RORA: variants seen among roughly 807,000 people sequenced by gnomAD.
RORA encodes the protein nuclear receptor ROR-alpha.
Under a neutral mutation model 69.5 loss-of-function variants are expected in RORA, and 7 were observed. That is an observed-to-expected ratio of 0.10 (90% CI 0.06 to 0.19). The LOEUF (loss-of-function observed/expected upper bound fraction) is 0.19. RORA is among the 10% of genes least tolerant of loss of function. The pLI is 1.00. For synonymous variants in RORA, 261 were observed against 240.8 expected, an observed-to-expected ratio of 1.08 and a Z score of -0.78; for missense variants, 457 against 663.0, an observed-to-expected ratio of 0.69 and a Z score of 3.41.
At chr15:60,891,390 G>A (rs910085092) in intron 1 of RORA, among the ~76,000 whole-genome samples, 4 of 152,166 alleles carry the variant, frequency 2.6e-5, no homozygotes, top group Admixed American at 6.5e-5. Flanking sequence ...AAAACTGATG[G>A]GCAGCTGCTC....
chr15:61,217,946 G>C (rs1437622162), intron 1 of RORA, among the ~76,000 whole-genome samples: 1 of 152,028 alleles, frequency 6.6e-6, no homozygotes, highest in Non-Finnish European at 1.5e-5. Flanking sequence ...AACACCTGGA[G>C]CTTAACATCA....
chr15:60,831,684 G>A (rs2073044160), intron 1 of RORA, among the ~76,000 whole-genome samples: 1 of 152,136 alleles, frequency 6.6e-6, no homozygotes, highest in Non-Finnish European at 1.5e-5. Context: ...TCTTTCTCAA[G>A]TGCTTTTTCA....
chr15:61,063,928 C>T (rs2078221335), intron 1 of RORA, among the ~76,000 whole-genome samples: 1 of 152,176 alleles, frequency 6.6e-6, no homozygotes, highest in African/African-American at 2.4e-5. Flanking sequence ...TGTCCTGGTG[C>T]TGAACTGCCT....
At chr15:61,006,401 G>C (rs948699843) in intron 1 of RORA, among the ~76,000 whole-genome samples, 4 of 152,016 alleles carry the variant, frequency 2.6e-5, no homozygotes, top group Admixed American at 2.0e-4. Context: ...ATTATCTTCT[G>C]ACTCGTTGGA....
intron 1 of RORA, among the ~76,000 whole-genome samples, chr15:61,140,483 T>G (rs1433152558): frequency 6.6e-6 from 1 of 152,202 alleles, no homozygotes; most frequent in Admixed American, 6.5e-5. Context: ...TCTTCCTCAC[T>G]TTTTAATTGT....
intron 1 of RORA, among the ~76,000 whole-genome samples, chr15:60,971,398 A>T (rs1009137149): frequency 2.6e-5 from 4 of 151,668 alleles, no homozygotes; most frequent in African/African-American, 9.7e-5. Context: ...GCAGGTGCAC[A>T]CTCCCCACTC....
chr15:60,497,644 C>T (rs202160218), intron 10 of RORA, 25 bp from the exon 11 acceptor site: 31 of 1,590,990 alleles, frequency 1.9e-5, no homozygotes, highest in East Asian at 1.3e-4. Context: ...AAGGACACAC[C>T]GTCAGGCAAG....
At position 60,497,601 on chromosome 15, in the gene RORA, T is replaced by C. The variant is rs190933482; in HGVS notation, c.1426A>G (p.Thr476Ala). 765 of 1,611,168 alleles carry C rather than the reference T, an allele frequency of 4.7e-4. 2 individuals are homozygous for C. Among genetic ancestry groups the C allele is most frequent in the Non-Finnish European group, 8.6e-5 (101 of 1,177,256 alleles). The stretch of plus-strand genomic sequence containing the variant: ...TGTCGTCCACATAAGGCTCTTAAGG[T>C]AGACACCTTGCATATTAACTGTAAG... ...ILTKLICKVS[T>A]LRALCGRHTE... is the part of the protein sequence containing the mutation. Residue 476 changes from threonine (T) to alanine (A), a missense_variant, in exon 11 of 11, where the codon ACC becomes GCC. Around this residue, in one of 3 missense-constraint regions of RORA, gnomAD observed 304 missense variants for 447.4 expected, o/e 0.68. Coordinates refer to ENST00000335670, the MANE Select transcript of RORA (RefSeq NM_134261.3).
At chr15:60,755,479 T>A (rs893431297) in intron 1 of RORA, among the ~76,000 whole-genome samples, 14 of 152,144 alleles carry the variant, frequency 9.2e-5, no homozygotes, top group Non-Finnish European at 1.5e-5. Flanking sequence ...GCATGATTTA[T>A]AATCCTTTGG....
chr15:60,731,689 G>A (rs1268649701), intron 1 of RORA, among the ~76,000 whole-genome samples: 1 of 152,208 alleles, frequency 6.6e-6, no homozygotes, highest in Non-Finnish European at 1.5e-5. Context: ...CTTGTTTACA[G>A]CAGACATCAC....
At chr15:61,023,588 G>T (rs1895653045) in intron 1 of RORA, among the ~76,000 whole-genome samples, 1 of 152,180 alleles carries the variant, frequency 6.6e-6, no homozygotes, top group African/African-American at 2.4e-5. Flanking sequence ...CTCAGCTTTT[G>T]CAGGGTTATG....
chr15:60,533,399 AAT>A (rs2066585368), intron 2 of RORA, among the ~76,000 whole-genome samples: 2 of 152,200 alleles, frequency 1.3e-5, no homozygotes, highest in African/African-American at 2.4e-5. Flanking sequence ...TAAGCAAGTT[AAT>A]ATGTTTAAGG....
chr15:60,996,071 G>A (rs199955827), intron 1 of RORA, among the ~76,000 whole-genome samples: 1 of 135,230 alleles, frequency 7.4e-6, no homozygotes, highest in Non-Finnish European at 1.7e-5. Context: ...CTTGTTTTTT[G>A]TTTTTTTTTT....
chr15:60,796,240 C>T (rs1250448141), intron 1 of RORA, among the ~76,000 whole-genome samples: 2 of 152,112 alleles, frequency 1.3e-5, no homozygotes, highest in African/African-American at 4.8e-5. Context: ...AGAATGTATG[C>T]TGGAACAGGC....
At chr15:60,549,079 A>G (rs1204874188) in intron 2 of RORA, among the ~76,000 whole-genome samples, 1 of 152,242 alleles carries the variant, frequency 6.6e-6, no homozygotes, top group Non-Finnish European at 1.5e-5. Context: ...GATATGTAGC[A>G]GCTCTTATGT....
intron 1 of RORA, among the ~76,000 whole-genome samples, chr15:60,923,701 G>A (rs568261117): frequency 1.2e-4 from 18 of 152,252 alleles, no homozygotes; most frequent in African/African-American, 4.3e-4. Context: ...CTTTCCGAAC[G>A]CTCCACAGCA....
At chr15:61,134,107 G>A (rs1248598438) in intron 1 of RORA, among the ~76,000 whole-genome samples, 1 of 152,132 alleles carries the variant, frequency 6.6e-6, no homozygotes, top group Non-Finnish European at 1.5e-5. Flanking sequence ...CCTCAGAACT[G>A]TTATTTGGGA....
intron 1 of RORA, among the ~76,000 whole-genome samples, chr15:60,709,504 G>T (rs1374403830): frequency 3.3e-5 from 5 of 152,136 alleles, no homozygotes; most frequent in Admixed American, 3.3e-4. Context: ...AGCAGGAGGT[G>T]AGCCGAGGGT....
intron 1 of RORA, among the ~76,000 whole-genome samples, chr15:61,118,667 G>A (rs2079072145): frequency 1.3e-5 from 2 of 152,264 alleles, no homozygotes; most frequent in South Asian, 2.1e-4. Flanking sequence ...GGAACCTGGA[G>A]CCGGACGGCA....
Sources: allele counts gnomAD v4.1 joint callset (sites outside exome capture counted in the v4.1 genomes callset), GRCh38; gene constraint gnomAD v4.1.1; regional missense constraint gnomAD v4.1.1; transcripts MANE v1.5; gene names NCBI Gene and HGNC (gene_info 2026-07-23, HGNC 2026-07-21).